Variants in PNLIPRP3 observed in about 807,000 individuals in gnomAD.
The protein encoded by PNLIPRP3 is pancreatic lipase-related protein 3.
PNLIPRP3 carries 58 observed loss-of-function variants against 52.8 expected under a neutral mutation model. The observed-to-expected ratio is 1.10, with a 90% CI of 0.89 to 1.37. The LOEUF is 1.37. Ranked by LOEUF, PNLIPRP3 falls within the 40% of genes most tolerant of loss-of-function variation. The pLI is 0.00. For missense variants in PNLIPRP3, 593 were observed against 561.6 expected (o/e 1.06, Z -0.57); for synonymous variants, 192 against 185.0 (o/e 1.04, Z -0.31).
intron 4 of PNLIPRP3, among the ~76,000 whole-genome samples, chr10:116,447,584 T>G (rs1169073910): frequency 1.3e-5 from 2 of 152,102 alleles, no homozygotes; most frequent in Non-Finnish European, 2.9e-5. Flanking sequence ...AGTGACAATT[T>G]CAACAAGAAG....
chr10:116,438,916 G>A (rs937034005), intron 2 of PNLIPRP3, among the ~76,000 whole-genome samples: 1 of 152,170 alleles, frequency 6.6e-6, no homozygotes, highest in Non-Finnish European at 1.5e-5. Flanking sequence ...TTAAAAAGAA[G>A]TGAAATGCCA....
At chr10:116,442,935 A>C (rs1313203298) in intron 2 of PNLIPRP3, 120 bp from the exon 3 acceptor site, 1 of 631,150 alleles carries the variant, frequency 1.6e-6, no homozygotes, top group African/African-American at 1.9e-5. Flanking sequence ...AAATATATTA[A>C]AGAAGGTTGC....
chr10:116,441,835 T>C (rs1845863071), intron 2 of PNLIPRP3, among the ~76,000 whole-genome samples: 2 of 152,146 alleles, frequency 1.3e-5, no homozygotes, highest in Non-Finnish European at 2.9e-5. Flanking sequence ...TCACAGTGTT[T>C]TGAGAGTTAA....
chr10:116,476,599 T>C, intron 10 of PNLIPRP3, 53 bp from the exon 11 acceptor site: 1 of 1,397,886 alleles, frequency 7.2e-7, no homozygotes, highest in East Asian at 2.4e-5. Flanking sequence ...TTTTCTTTCA[T>C]TCAGTGCTGT....
At chr10:116,463,999 AG>A in intron 7 of PNLIPRP3, among the ~76,000 whole-genome samples, 1 of 152,154 alleles carries the variant, frequency 6.6e-6, no homozygotes, top group Admixed American at 6.6e-5. Flanking sequence ...AAAAAGAAGA[AG>A]AAGAAGAAGA....
chr10:116,468,256 T>G (rs1564704452), intron 8 of PNLIPRP3, among the ~76,000 whole-genome samples: 2 of 151,996 alleles, frequency 1.3e-5, no homozygotes, highest in Non-Finnish European at 1.5e-5. Flanking sequence ...CATACATGCA[T>G]TTCCTTCTTT....
intron 3 of PNLIPRP3, among the ~76,000 whole-genome samples, chr10:116,443,875 G>A (rs1157403852): frequency 7.0e-6 from 1 of 142,196 alleles, no homozygotes; most frequent in Non-Finnish European, 1.5e-5. Context: ...ATATGGGTTA[G>A]GACAGAGCTT....
chr10:116,463,919 G>A (rs1482552936), intron 7 of PNLIPRP3, among the ~76,000 whole-genome samples: 1 of 152,082 alleles, frequency 6.6e-6, no homozygotes, highest in African/African-American at 2.4e-5. Flanking sequence ...AGGATCACTT[G>A]AGACTTGAGG....
chr10:116,447,958 CAAA>C (rs35367938), intron 4 of PNLIPRP3, among the ~76,000 whole-genome samples: 34 of 108,482 alleles, frequency 3.1e-4, no homozygotes, highest in Admixed American at 4.8e-4. Context: ...GAGACTCCAT[CAAA>C]AAAAAAAAAA....
intron 3 of PNLIPRP3, among the ~76,000 whole-genome samples, chr10:116,443,893 G>A (rs1262384933): frequency 2.7e-5 from 4 of 145,756 alleles, no homozygotes; most frequent in South Asian, 4.4e-4. Flanking sequence ...CTTAGCCTGT[G>A]GTAGGTTCTC....
In PNLIPRP3 at chr10:116,444,446, A is replaced by G; in HGVS notation, c.389A>G (p.Tyr130Cys). 6.2e-7 allele frequency: 1 copy of G among 1,613,180 alleles called. No individual in the cohort carries two copies. The highest frequency in any genetic ancestry group is 1.1e-5 in the South Asian group (1 of 91,034). Residue 130 changes from tyrosine (Y) to cysteine (C), a missense_variant, in exon 4 of 12, where the codon TAC becomes TGC. By Grantham distance (194) the Tyr-to-Cys change is radical. Coordinates refer to ENST00000369230, the MANE Select transcript of PNLIPRP3 (RefSeq NM_001011709.3). Reference protein sequence around the residue: ...NLDWINGSREYIHAVNNLRVV... With the variant: ...NLDWINGSRECIHAVNNLRVV... ...GATTGGATCAACGGTTCACGGGAAT[A>G]CATCCATGCTGTAAACAATCTCCGT...
intron 3 of PNLIPRP3, among the ~76,000 whole-genome samples, chr10:116,443,799 GTGCATATA>G (rs1845898459): frequency 2.5e-3 from 19 of 7,696 alleles, no homozygotes; most frequent in African/African-American, 3.0e-3. Flanking sequence ...GTATGTGTGT[GTGCATATA>G]TATATATATA....
At chr10:116,436,475 G>A (rs933595886) in intron 1 of PNLIPRP3, among the ~76,000 whole-genome samples, 2 of 151,998 alleles carry the variant, frequency 1.3e-5, no homozygotes, top group Non-Finnish European at 2.9e-5. Flanking sequence ...CACAGGCAAC[G>A]AAATAAAATA....
At chr10:116,447,092 A>G (rs1443455322) in intron 4 of PNLIPRP3, among the ~76,000 whole-genome samples, 1 of 152,200 alleles carries the variant, frequency 6.6e-6, no homozygotes, top group African/African-American at 2.4e-5. Flanking sequence ...AAAGTGATTG[A>G]GTAGAATACC....
At chr10:116,446,839 T>A (rs1300049429) in intron 4 of PNLIPRP3, among the ~76,000 whole-genome samples, 1 of 152,212 alleles carries the variant, frequency 6.6e-6, no homozygotes, top group Non-Finnish European at 1.5e-5. Context: ...CAGCACCATA[T>A]GATCTGAAGG....
intron 7 of PNLIPRP3, among the ~76,000 whole-genome samples, chr10:116,463,281 G>C (rs761267555): frequency 6.6e-6 from 1 of 152,182 alleles, no homozygotes; most frequent in African/African-American, 2.4e-5. Flanking sequence ...ATTCTGCTTC[G>C]TGTGGTGTTG....
At chr10:116,464,691 G>A (rs1334609067) in intron 7 of PNLIPRP3, among the ~76,000 whole-genome samples, 3 of 152,242 alleles carry the variant, frequency 2.0e-5, no homozygotes, top group Non-Finnish European at 2.9e-5. Flanking sequence ...CAGGAACCAC[G>A]CAGCCCCAAA....
chr10:116,438,881 G>A (rs1301161052), intron 2 of PNLIPRP3, among the ~76,000 whole-genome samples: 1 of 152,146 alleles, frequency 6.6e-6, no homozygotes, highest in African/African-American at 2.4e-5. Flanking sequence ...TTATCAAGAA[G>A]TAAAGAGAGG....
At chr10:116,439,682 C>T (rs1451472418) in intron 2 of PNLIPRP3, 26 of 766,722 alleles carry the variant, frequency 3.4e-5, no homozygotes, top group Admixed American at 6.9e-5. Context: ...TTTTTTGCCA[C>T]GTCTCCAATA....
Sources: gnomAD v4.1 joint callset for allele counts (sites outside exome capture counted in the v4.1 genomes callset) on GRCh38, gnomAD v4.1.1 for gene constraint, MANE v1.5 for transcripts, NCBI Gene and HGNC (gene_info 2026-07-23, HGNC 2026-07-21) for gene names.